Variants in MYPN observed in about 807,000 individuals in gnomAD.
The protein encoded by MYPN is myopalladin, also known as sarcomeric protein myopalladin, 145 kDa (MYOP).
MYPN carries 63 observed loss-of-function variants against 129.4 expected under a neutral mutation model. The observed-to-expected ratio is 0.49, with a 90% CI of 0.40 to 0.60. The LOEUF (loss-of-function observed/expected upper bound fraction) is 0.60, where lower values mean the gene tolerates loss of function less well. Ranked by LOEUF, MYPN falls within the 20% of genes least tolerant of loss-of-function variation. MYPN has a pLI of 0.00. For missense variants in MYPN, 1,596 were observed against 1,635.4 expected, an observed-to-expected ratio of 0.98 and a Z score of 0.42; for synonymous variants, 629 against 600.9, an observed-to-expected ratio of 1.05 and a Z score of -0.68.
chr10:68,190,875 T>C (rs999684514), intron 13 of MYPN, among the ~76,000 whole-genome samples: 2 of 152,234 alleles, frequency 1.3e-5, no homozygotes, highest in African/African-American at 4.8e-5. Context: ...TGGTGAAAAG[T>C]GAAGATCTAG....
intron 12 of MYPN, among the ~76,000 whole-genome samples, chr10:68,187,147 G>A (rs1411629655): frequency 6.6e-6 from 1 of 151,996 alleles, no homozygotes; most frequent in Non-Finnish European, 1.5e-5. Flanking sequence ...TGAGGTGGGT[G>A]GATCACTTGA....
intron 8 of MYPN, among the ~76,000 whole-genome samples, chr10:68,162,705 CA>C (rs1372723123): frequency 6.6e-6 from 1 of 152,200 alleles, no homozygotes; most frequent in Non-Finnish European, 1.5e-5. Context: ...CCTGTAATCC[CA>C]GCACTTTGGG....
chr10:68,140,930 G>T (rs1226284972), intron 2 of MYPN, among the ~76,000 whole-genome samples: 1 of 152,206 alleles, frequency 6.6e-6, no homozygotes, highest in Non-Finnish European at 1.5e-5. Flanking sequence ...AAATTAGCCA[G>T]GTGTGGCAGC....
chr10:68,091,692 A>G lies in MYPN; in HGVS notation c.-2+3700A>G, dbSNP rs896661620. On this transcript the variant is annotated intron_variant, in intron 1 of 6. Coordinates refer to the MYPN transcript ENST00000685154. ...ATTATAGGCATGAGCAACTGCGCCC[A>G]GCCTAGACTACAGCCCAAATTTGCT... Among the ~76,000 whole-genome samples, 4 of 151,404 alleles carry G rather than the reference A, an allele frequency of 2.6e-5. 1 individual carries two copies. Among genetic ancestry groups the G allele is most frequent in the Admixed American group, 6.6e-5 (1 of 15,188 alleles).
rs2200897 is a variant in MYPN, at chr10:68,148,484, G to A, written c.1245+17G>A. The A allele has an allele frequency of 0.075, 119,207 of 1,591,326 alleles. 5,471 individuals are homozygous for A. The highest frequency in any genetic ancestry group is 0.16 in the East Asian group (7,181 of 44,702). ...ATCCAGCAGGTACAAGAATCCAAGC[G>A]AAACACAAGTGCCATCCACTGTGAC... On this transcript the variant is annotated intron_variant, in intron 5 of 19. Coordinates refer to ENST00000358913, the MANE Select transcript of MYPN (RefSeq NM_032578.4).
intron 12 of MYPN, among the ~76,000 whole-genome samples, chr10:68,176,110 G>A (rs2043223830): frequency 6.6e-6 from 1 of 152,112 alleles, no homozygotes; most frequent in Non-Finnish European, 1.5e-5. Context: ...GTGCTTAAAA[G>A]TTTGATCACC....
At chr10:68,179,723 C>T (rs1210976835) in intron 12 of MYPN, among the ~76,000 whole-genome samples, 1 of 150,166 alleles carries the variant, frequency 6.7e-6, no homozygotes. Context: ...TGCAGTGGTG[C>T]GATCTCCACT....
chr10:68,208,263 C>G (rs1187479183), intron 19 of MYPN, among the ~76,000 whole-genome samples: 1 of 152,130 alleles, frequency 6.6e-6, no homozygotes, highest in Admixed American at 6.5e-5. Context: ...TGTCTATTAC[C>G]TGATAGATCT....
At position 68,122,172 on chromosome 10, in the gene MYPN, C is replaced by G. The variant is rs143574079; in HGVS notation, c.734C>G (p.Ala245Gly). Residue 245 changes from alanine (A) to glycine (G), a missense_variant, in exon 2 of 20, where the codon GCG becomes GGG. Ala to Gly is a moderately conservative substitution (Grantham distance 60, BLOSUM62 0). Coordinates refer to ENST00000358913, the MANE Select transcript of MYPN (RefSeq NM_032578.4). Reference sequence around the variant, plus strand: ...GAAGCGGAGCAGGCTGCCAGTGAGGCGGCTGGTGGAGACACTACACCAGGG... The same window carrying G: ...GAAGCGGAGCAGGCTGCCAGTGAGGGGGCTGGTGGAGACACTACACCAGGG... ...RREAEQAASE[A>G]AGGDTTPGSS... is the part of the protein sequence containing the mutation. 245 of 1,610,592 alleles carry G rather than the reference C, an allele frequency of 1.5e-4. No individual in the cohort carries two copies. The African/African-American group carries it at 2.9e-3, about 19-fold the overall frequency.
intron 1 of MYPN, among the ~76,000 whole-genome samples, chr10:68,115,258 C>CAA (rs58484168): frequency 1.3e-3 from 69 of 53,200 alleles, no homozygotes; most frequent in Non-Finnish European, 2.0e-3. Context: ...AACTCCATCT[C>CAA]AAAAAAAAAA....
chr10:68,109,666 C>T lies in MYPN; in HGVS notation c.-59C>T, dbSNP rs12784518. 1 of 454,072 alleles carries T rather than the reference C, an allele frequency of 2.2e-6. No individual in the cohort carries two copies. The highest frequency in any genetic ancestry group is 2.3e-5 in the Admixed American group (1 of 42,558). The allele number at this position is 454,072 out of a possible 1,614,324, so 28.1% of individuals were successfully genotyped here. ...CTAAAAGTTCTCCCTGGATAATTAT[C>T]ATTGCAGTGGAGTGCCTGGATTGGA... On this transcript the variant is annotated 5_prime_UTR_variant, in exon 1 of 20. Coordinates refer to ENST00000358913, the MANE Select transcript of MYPN (RefSeq NM_032578.4).
chr10:68,126,039 G>A (rs749898611), intron 2 of MYPN, among the ~76,000 whole-genome samples: 8 of 152,172 alleles, frequency 5.3e-5, no homozygotes, highest in Non-Finnish European at 1.2e-4. Flanking sequence ...TGGAGTGCAT[G>A]ATAAAGGAAG....
intron 10 of MYPN, among the ~76,000 whole-genome samples, chr10:68,169,203 A>G (rs1276449882): frequency 1.3e-5 from 1 of 78,852 alleles, no homozygotes; most frequent in African/African-American, 3.3e-5. Context: ...AAAAAAAAAA[A>G]AAAAATTAGC....
At chr10:68,092,372 G>A (rs1053977871) in intron 1 of MYPN, among the ~76,000 whole-genome samples, 2 of 151,964 alleles carry the variant, frequency 1.3e-5, no homozygotes, top group African/African-American at 4.8e-5. Flanking sequence ...GCAGGCGCCT[G>A]TTATCCCAGC....
chr10:68,174,012 G>C (rs2043184650), intron 10 of MYPN, 54 bp from the exon 11 acceptor site: 1 of 1,371,296 alleles, frequency 7.3e-7, no homozygotes, highest in African/African-American at 1.4e-5. Context: ...TTTGAAAGGT[G>C]AGGCCAATAA....
At chr10:68,190,833 T>A (rs1219934228) in intron 13 of MYPN, among the ~76,000 whole-genome samples, 2 of 152,214 alleles carry the variant, frequency 1.3e-5, no homozygotes, top group Admixed American at 1.3e-4. Flanking sequence ...GGCACTTAAG[T>A]CTTTAATGTA....
intron 9 of MYPN, 84 bp from the exon 10 acceptor site, chr10:68,166,210 G>T: frequency 6.6e-7 from 1 of 1,507,494 alleles, no homozygotes; most frequent in Non-Finnish European, 9.2e-7. Flanking sequence ...CATTCCTCTG[G>T]TGTGAACACT....
chr10:68,199,798 G>A (rs1295515547), intron 17 of MYPN, among the ~76,000 whole-genome samples: 1 of 152,126 alleles, frequency 6.6e-6, no homozygotes, highest in Non-Finnish European at 1.5e-5. Flanking sequence ...TTAAATAAAT[G>A]AGAGCCATTG....
At chr10:68,112,194 C>A (rs2042091111) in intron 1 of MYPN, among the ~76,000 whole-genome samples, 1 of 152,080 alleles carries the variant, frequency 6.6e-6, no homozygotes, top group Non-Finnish European at 1.5e-5. Flanking sequence ...ATCCTAGATT[C>A]TTGAAGTCTT....
Sources: allele counts gnomAD v4.1 joint callset (sites outside exome capture counted in the v4.1 genomes callset), GRCh38; gene constraint gnomAD v4.1.1; transcripts MANE v1.5; gene names NCBI Gene and HGNC (gene_info 2026-07-23, HGNC 2026-07-21).